The following BMP6 variants were observed in gnomAD, a reference collection of about 807,000 sequenced individuals.
BMP6 encodes VG-1-R.
In BMP6, 17 loss-of-function variants were observed where a neutral mutation model predicts 54.1. That is an observed-to-expected ratio of 0.31 (90% CI 0.22 to 0.47). The LOEUF (loss-of-function observed/expected upper bound fraction) is 0.47, where lower values mean the gene tolerates loss of function less well. Ranked by LOEUF, BMP6 falls within the 20% of genes least tolerant of loss-of-function variation. The pLI is 1.00. For missense variants in BMP6, 720 were observed against 690.4 expected, an observed-to-expected ratio of 1.04 and a Z score of -0.48; for synonymous variants, 328 against 291.2, an observed-to-expected ratio of 1.13 and a Z score of -1.28.
rs956824140 is a variant in BMP6, at chr6:7,817,808, T to C, written c.665-27332T>C. Among the ~76,000 whole-genome samples, 5 of 152,294 alleles carry C rather than the reference T, an allele frequency of 3.3e-5. No individual in the cohort carries two copies. The South Asian group carries it at 6.2e-4, about 19-fold the overall frequency. On this transcript the variant is annotated intron_variant, in intron 1 of 6. Coordinates refer to ENST00000283147, the MANE Select transcript of BMP6 (RefSeq NM_001718.6). ...ATTTGGCCTTTTGCTAACCAAGATATTAGATTATCTAGAACATCTCCAGTA... is the reference window on the plus strand; with the variant it reads ...ATTTGGCCTTTTGCTAACCAAGATACTAGATTATCTAGAACATCTCCAGTA...
rs751681120 is a variant in BMP6 at position 7,727,605 on chromosome 6, G to C, written c.650G>C (p.Ser217Thr). 7.0e-6 allele frequency: 11 copies of C among 1,560,888 alleles called. No homozygotes were observed. The South Asian group carries it at 1.3e-4, about 18-fold the overall frequency. ...AFLNDADMVM[S>T]FVNLVEYDKE... Reference sequence around the variant, plus strand: ...CTCAACGACGCGGACATGGTCATGAGCTTTGTGAACCTGGGTAAGGATTTG... The same window carrying C: ...CTCAACGACGCGGACATGGTCATGACCTTTGTGAACCTGGGTAAGGATTTG... The change falls in exon 1 of 7, where the codon AGC (serine) becomes ACC (threonine). Residue 217 changes from serine to threonine, a missense_variant. This residue lies in a region of BMP6 where 650 missense variants were observed against 556.3 expected (regional missense o/e 1.17). Transcript: ENST00000283147.
intron 1 of BMP6, among the ~76,000 whole-genome samples, chr6:7,772,384 C>T (rs942327002): frequency 2.6e-5 from 4 of 152,146 alleles, no homozygotes; most frequent in African/African-American, 9.7e-5. Flanking sequence ...GGCCCACGGC[C>T]CAATCTGTCA....
chr6:7,845,215 A>C lies in BMP6; in HGVS notation c.740A>C (p.Glu247Ala). The C allele has an allele frequency of 6.2e-7, 1 of 1,614,142 alleles. No individual in the cohort carries two copies. The highest frequency in any genetic ancestry group is 8.5e-7 in the Non-Finnish European group (1 of 1,179,974). ...AAGTTCAACTTATCCCAGATTCCTG[A>C]GGGTGAGGTGGTGACGGCTGCAGAA... is the stretch of plus-strand genomic sequence containing the variant. ...EFKFNLSQIP[E>A]GEVVTAAEFR... The change falls in exon 2 of 7, where the codon GAG becomes GCG. Residue 247 changes from glutamate to alanine, a missense_variant. By Grantham distance (107) the Glu-to-Ala change is moderately radical. This residue lies in a region of BMP6 where 650 missense variants were observed against 556.3 expected (regional missense o/e 1.17). Transcript: ENST00000283147.
intron 1 of BMP6, among the ~76,000 whole-genome samples, chr6:7,782,756 G>A (rs1471553814): frequency 2.0e-5 from 3 of 152,118 alleles, no homozygotes; most frequent in Non-Finnish European, 2.9e-5. Flanking sequence ...GCCCAGGAAA[G>A]GAGTATAGAG....
chr6:7,768,096 A>C (rs1407082533), intron 1 of BMP6, among the ~76,000 whole-genome samples: 1 of 152,012 alleles, frequency 6.6e-6, no homozygotes, highest in Non-Finnish European at 1.5e-5. Flanking sequence ...GGAAGTGCGC[A>C]TGTCCCTTCC....
chr6:7,809,540 C>T (rs142228439), intron 1 of BMP6, among the ~76,000 whole-genome samples: 49 of 152,124 alleles, frequency 3.2e-4, no homozygotes, highest in Non-Finnish European at 5.4e-4. Flanking sequence ...GGATGAAATG[C>T]GGTTTAAAAA....
chr6:7,735,520 T>G (rs901519294), intron 1 of BMP6, among the ~76,000 whole-genome samples: 2 of 152,222 alleles, frequency 1.3e-5, no homozygotes, highest in African/African-American at 4.8e-5. Context: ...TTATTCAGAT[T>G]TTATTTGTAG....
chr6:7,821,743 C>T (rs1023799719), intron 1 of BMP6, among the ~76,000 whole-genome samples: 7 of 152,124 alleles, frequency 4.6e-5, no homozygotes, highest in African/African-American at 1.7e-4. Context: ...GCAGTAAGAT[C>T]GTGCACGTAT....
At chr6:7,875,870 A>G (rs1178202590) in intron 4 of BMP6, among the ~76,000 whole-genome samples, 6 of 152,180 alleles carry the variant, frequency 3.9e-5, no homozygotes, top group Non-Finnish European at 7.3e-5. Context: ...TCATGGAACA[A>G]TGTGCTTTGG....
At chr6:7,869,585 T>A (rs73719353) in intron 4 of BMP6, among the ~76,000 whole-genome samples, 1 of 152,156 alleles carries the variant, frequency 6.6e-6, no homozygotes. Context: ...AGAGCTATTC[T>A]GCAGTTTTCA....
chr6:7,809,267 T>C (rs1288608061), intron 1 of BMP6, among the ~76,000 whole-genome samples: 1 of 152,206 alleles, frequency 6.6e-6, no homozygotes. Flanking sequence ...GGGAAATAGA[T>C]ATCATGTGTT....
intron 1 of BMP6, among the ~76,000 whole-genome samples, chr6:7,787,430 G>A (rs1758036095): frequency 6.6e-6 from 1 of 152,206 alleles, no homozygotes; most frequent in Non-Finnish European, 1.5e-5. Context: ...ATCTTAGACA[G>A]TTGCAACACA....
intron 1 of BMP6, among the ~76,000 whole-genome samples, chr6:7,820,223 C>G (rs1211016551): frequency 6.6e-6 from 1 of 152,146 alleles, no homozygotes; most frequent in African/African-American, 2.4e-5. Flanking sequence ...TCACCCCATA[C>G]ATGTGATTTT....
At chr6:7,813,914 C>A (rs1371754304) in intron 1 of BMP6, among the ~76,000 whole-genome samples, 1 of 152,164 alleles carries the variant, frequency 6.6e-6, no homozygotes, top group Non-Finnish European at 1.5e-5. Flanking sequence ...GTTGCGACCA[C>A]TGGTGGCCAG....
At chr6:7,799,326 C>G (rs1758236137) in intron 1 of BMP6, among the ~76,000 whole-genome samples, 1 of 152,132 alleles carries the variant, frequency 6.6e-6, no homozygotes, top group Non-Finnish European at 1.5e-5. Context: ...AAGTAGGGGA[C>G]AGGGTCAGGT....
At chr6:7,798,787 G>A (rs998522446) in intron 1 of BMP6, among the ~76,000 whole-genome samples, 1 of 152,152 alleles carries the variant, frequency 6.6e-6, no homozygotes, top group East Asian at 1.9e-4. Context: ...AAATTATAAA[G>A]TAATTCCCTT....
chr6:7,742,628 G>A (rs1245733041), intron 1 of BMP6, among the ~76,000 whole-genome samples: 4 of 152,132 alleles, frequency 2.6e-5, no homozygotes, highest in South Asian at 2.1e-4. Flanking sequence ...CTCTTGGTTC[G>A]TTGCCCGAAA....
chr6:7,741,867 C>T (rs1268191592), intron 1 of BMP6, among the ~76,000 whole-genome samples: 1 of 152,272 alleles, frequency 6.6e-6, no homozygotes, highest in Non-Finnish European at 1.5e-5. Flanking sequence ...TCACCTTCAA[C>T]ACTGACTTCT....
chr6:7,731,678 G>T (rs191931459), intron 1 of BMP6, among the ~76,000 whole-genome samples: 1 of 152,292 alleles, frequency 6.6e-6, no homozygotes, highest in Admixed American at 6.5e-5. Context: ...TATTTAGAAA[G>T]GGTATACCTG....
Sources: gnomAD v4.1 joint callset for allele counts (sites outside exome capture counted in the v4.1 genomes callset) on GRCh38, gnomAD v4.1.1 for gene constraint, gnomAD v4.1.1 regional missense constraint, MANE v1.5 for transcripts, NCBI Gene and HGNC (gene_info 2026-07-23, HGNC 2026-07-21) for gene names.